AUTS2: variants seen among roughly 807,000 people sequenced by gnomAD.
The protein encoded by AUTS2 is autism susceptibility gene 2 protein.
In AUTS2, 17 loss-of-function variants were observed where a neutral mutation model predicts 112.4. The ratio of observed to expected loss-of-function variants is 0.15; its 90% CI spans 0.10 to 0.23. The LOEUF (loss-of-function observed/expected upper bound fraction) is 0.23, where lower values mean the gene tolerates loss of function less well. Among genes scored for constraint, AUTS2 ranks in the 10% least tolerant of loss-of-function variants. AUTS2 has a pLI of 1.00. For synonymous variants in AUTS2, 751 were observed against 702.7 expected, an observed-to-expected ratio of 1.07 and a Z score of -1.09; for missense variants, 1,510 against 1,701.6, an observed-to-expected ratio of 0.89 and a Z score of 1.98.
intron 5 of AUTS2, among the ~76,000 whole-genome samples, chr7:70,505,337 C>T (rs1431863355): frequency 6.6e-6 from 1 of 152,104 alleles, no homozygotes; most frequent in Non-Finnish European, 1.5e-5. Context: ...ACCAGTTCTC[C>T]CAGAGTGGAG....
chr7:69,895,024 A>G (rs1794685976), intron 1 of AUTS2, among the ~76,000 whole-genome samples: 1 of 152,046 alleles, frequency 6.6e-6, no homozygotes, highest in Non-Finnish European at 1.5e-5. Flanking sequence ...TCCCCATATT[A>G]TAGCAATACT....
chr7:70,103,779 G>T lies in AUTS2; in HGVS notation c.523-14353G>T, dbSNP rs372280907. Among the ~76,000 whole-genome samples, 24 of 151,804 alleles carry T rather than the reference G, an allele frequency of 1.6e-4. 1 individual carries two copies. In the South Asian group the frequency reaches 3.5e-3, roughly 22 times the overall value. On this transcript the variant is annotated intron_variant, in intron 2 of 18. Coordinates refer to ENST00000342771, the MANE Select transcript of AUTS2 (RefSeq NM_015570.4). ...AAAAAAATTAGCCGGGCATGGTGGCGTGCACCTGTAAGCCAAGCTAGTTGG... is the reference window on the plus strand; with the variant it reads ...AAAAAAATTAGCCGGGCATGGTGGCTTGCACCTGTAAGCCAAGCTAGTTGG...
intron 2 of AUTS2, among the ~76,000 whole-genome samples, chr7:70,028,540 C>A (rs1800628648): frequency 6.6e-6 from 1 of 152,194 alleles, no homozygotes; most frequent in Admixed American, 6.5e-5. Flanking sequence ...TATCCAGCAT[C>A]TTGTCTCTAC....
chr7:69,973,956 C>A (rs947810774), intron 2 of AUTS2, among the ~76,000 whole-genome samples: 11 of 151,908 alleles, frequency 7.2e-5, no homozygotes, highest in African/African-American at 2.7e-4. Context: ...TAAAAGTGTT[C>A]ACTCCTTATT....
intron 5 of AUTS2, among the ~76,000 whole-genome samples, chr7:70,473,792 G>A (rs1797481851): frequency 6.6e-6 from 1 of 151,288 alleles, no homozygotes; most frequent in South Asian, 2.1e-4. Flanking sequence ...TAACAAGTGA[G>A]AGCATCAAAC....
At position 70,407,296 on chromosome 7, in the gene AUTS2, A is replaced by T. The variant is rs148336623; in HGVS notation, c.661-28456A>T. Among the ~76,000 whole-genome samples the T allele has an allele frequency of 3.7e-3, 571 of 152,292 alleles. 1 individual carries two copies. The highest frequency in any genetic ancestry group is 0.013 in the African/African-American group (550 of 41,550). ...CATTGTGCAAGAACTTGTGTTAATT[A>T]TCCCTGTTAATTACAGTGATACCAC... On this transcript the variant is annotated intron_variant, in intron 4 of 18. Coordinates refer to ENST00000342771, the MANE Select transcript of AUTS2 (RefSeq NM_015570.4).
intron 2 of AUTS2, among the ~76,000 whole-genome samples, chr7:70,079,622 C>G (rs1803203392): frequency 6.6e-6 from 1 of 151,864 alleles, no homozygotes; most frequent in African/African-American, 2.4e-5. Flanking sequence ...ATATCCATGA[C>G]CTTGAGGTTA....
chr7:70,075,572 T>A (rs575067078), intron 2 of AUTS2, among the ~76,000 whole-genome samples: 73 of 152,260 alleles, frequency 4.8e-4, no homozygotes, highest in African/African-American at 1.7e-3. Flanking sequence ...ATAAAAGAGA[T>A]ATGAAACCCT....
At chr7:69,932,270 C>T (rs1309623445) in intron 2 of AUTS2, among the ~76,000 whole-genome samples, 1 of 152,192 alleles carries the variant, frequency 6.6e-6, no homozygotes, top group Admixed American at 6.5e-5. Context: ...AAAAATCCAG[C>T]TCTCGGCCTT....
intron 6 of AUTS2, among the ~76,000 whole-genome samples, chr7:70,727,380 G>T (rs185673976): frequency 6.6e-6 from 1 of 152,088 alleles, no homozygotes. Flanking sequence ...ATGGAGTTTC[G>T]CTCTTGTTGC....
chr7:70,684,583 G>A (rs971487922), intron 5 of AUTS2, among the ~76,000 whole-genome samples: 1 of 150,040 alleles, frequency 6.7e-6, no homozygotes, highest in Admixed American at 6.7e-5. Flanking sequence ...GTATGGTGTG[G>A]CGTGGCATGT....
intron 1 of AUTS2, among the ~76,000 whole-genome samples, chr7:69,606,731 T>C (rs1448763185): frequency 6.6e-6 from 1 of 152,234 alleles, no homozygotes; most frequent in Non-Finnish European, 1.5e-5. Context: ...CATTGAAGTT[T>C]AGAAGAGCAA....
intron 1 of AUTS2, among the ~76,000 whole-genome samples, chr7:69,608,617 A>C (rs995809897): frequency 6.6e-6 from 1 of 152,226 alleles, no homozygotes; most frequent in African/African-American, 2.4e-5. Context: ...GAAAAAAGTA[A>C]GAATGAAGAT....
At chr7:70,136,169 CT>C (rs1178786402) in intron 4 of AUTS2, among the ~76,000 whole-genome samples, 2 of 152,034 alleles carry the variant, frequency 1.3e-5, no homozygotes, top group Non-Finnish European at 2.9e-5. Flanking sequence ...TTTAAAGAGT[CT>C]TTAATTACAT....
In AUTS2 at chr7:69,785,529, A is replaced by G. The variant is rs146413840; in HGVS notation, c.310-113757A>G. ...AACTGTAGTGAGTGATGAATAAGAC[A>G]TAAACAAAGAATCCCTTCTGCGGAG... is the stretch of plus-strand genomic sequence containing the variant. On this transcript the variant is annotated intron_variant, in intron 1 of 18. Transcript: ENST00000342771. 1.8e-4 allele frequency among the ~76,000 whole-genome samples: 28 copies of G among 152,394 alleles called. No homozygotes were observed. The East Asian group carries it at 4.4e-3, about 24-fold the overall frequency.
chr7:69,622,694 C>T (rs1458059728), intron 1 of AUTS2, among the ~76,000 whole-genome samples: 2 of 152,146 alleles, frequency 1.3e-5, no homozygotes, highest in Non-Finnish European at 2.9e-5. Context: ...GATGGGGTTG[C>T]CAGCAGAAGT....
At chr7:70,377,062 A>G (rs1228325578) in intron 4 of AUTS2, among the ~76,000 whole-genome samples, 1 of 151,708 alleles carries the variant, frequency 6.6e-6, no homozygotes, top group African/African-American at 2.4e-5. Context: ...TGCCTCAATT[A>G]GAATACTTTG....
In AUTS2 at chr7:70,518,305, T is replaced by C. The variant is rs1235454465; in HGVS notation, c.690+82524T>C. Among the ~76,000 whole-genome samples the C allele has an allele frequency of 2.6e-5, 4 of 152,136 alleles. No homozygotes were observed. In the East Asian group the frequency reaches 5.8e-4, roughly 22 times the overall value. ...AAGTTATATGAAAGTTGGGTAAAGA[T>C]TGGGGGATTTTATGGCTGATTTTCA... On this transcript the variant is annotated intron_variant, in intron 5 of 18. Transcript: ENST00000342771.
intron 5 of AUTS2, among the ~76,000 whole-genome samples, chr7:70,621,369 A>G (rs1804665407): frequency 6.6e-6 from 1 of 152,204 alleles, no homozygotes; most frequent in African/African-American, 2.4e-5. Context: ...GGTCGCTGCA[A>G]AATGATTACA....
Sources: gnomAD v4.1 joint callset for allele counts (sites outside exome capture counted in the v4.1 genomes callset) on GRCh38, gnomAD v4.1.1 for gene constraint, MANE v1.5 for transcripts, NCBI Gene and HGNC (gene_info 2026-07-23, HGNC 2026-07-21) for gene names.